Variants in TBC1D5 observed in about 807,000 individuals in gnomAD.
TBC1D5 encodes TBC1 domain family, member 5.
TBC1D5 carries 75 observed loss-of-function variants against 100.3 expected under a neutral mutation model. The ratio of observed to expected loss-of-function variants is 0.75; its 90% CI spans 0.62 to 0.91. The LOEUF (loss-of-function observed/expected upper bound fraction) is 0.91. TBC1D5 is among the 40% of genes least tolerant of loss of function. The pLI, the probability that TBC1D5 is intolerant of heterozygous loss-of-function variation, is 0.00. For missense variants in TBC1D5, 910 were observed against 942.4 expected (o/e 0.97, Z 0.45); for synonymous variants, 323 against 325.6 (o/e 0.99, Z 0.09).
intron 1 of TBC1D5, among the ~76,000 whole-genome samples, chr3:17,681,625 GAAAGA>G (rs1379988251): frequency 6.6e-6 from 1 of 151,648 alleles, no homozygotes; most frequent in East Asian, 1.9e-4. Context: ...CGCTTTTAAA[GAAAGA>G]AAAGACCACT....
intron 1 of TBC1D5, among the ~76,000 whole-genome samples, chr3:17,662,641 A>G (rs544162560): frequency 6.6e-6 from 1 of 152,326 alleles, no homozygotes; most frequent in Non-Finnish European, 1.5e-5. Context: ...CTTTAGATAG[A>G]ACCCAAGCCC....
At chr3:17,581,249 T>C (rs1452485629) in intron 2 of TBC1D5, among the ~76,000 whole-genome samples, 1 of 152,208 alleles carries the variant, frequency 6.6e-6, no homozygotes, top group African/African-American at 2.4e-5. Flanking sequence ...TGTGAGTCCA[T>C]TAAACCACTT....
chr3:17,521,660 G>C (rs2096064870), intron 2 of TBC1D5, among the ~76,000 whole-genome samples: 1 of 152,004 alleles, frequency 6.6e-6, no homozygotes, highest in Non-Finnish European at 1.5e-5. Flanking sequence ...CATAATTTGG[G>C]GGGGGAAATC....
chr3:17,687,023 A>G (rs2070384839), intron 1 of TBC1D5, among the ~76,000 whole-genome samples: 2 of 152,128 alleles, frequency 1.3e-5, no homozygotes, highest in South Asian at 2.1e-4. Context: ...TATGTATAAT[A>G]TGTATAGTGA....
chr3:17,532,443 C>T (rs1435773688), intron 2 of TBC1D5, among the ~76,000 whole-genome samples: 12 of 152,144 alleles, frequency 7.9e-5, no homozygotes, highest in Admixed American at 7.9e-4. Context: ...CCTCAGGGAT[C>T]TAGAACTAGA....
intron 1 of TBC1D5, among the ~76,000 whole-genome samples, chr3:17,635,781 A>T (rs570010821): frequency 6.6e-6 from 1 of 152,388 alleles, no homozygotes; most frequent in Non-Finnish European, 1.5e-5. Context: ...TGATGAGTTT[A>T]AGATGGAATG....
chr3:17,667,431 T>A (rs535836577), intron 1 of TBC1D5, among the ~76,000 whole-genome samples: 1 of 152,148 alleles, frequency 6.6e-6, no homozygotes, highest in South Asian at 2.1e-4. Context: ...TAAGGTAGGA[T>A]TGAAGAATCC....
chr3:17,417,210 CTTTAAG>C (rs930184911), intron 4 of TBC1D5, among the ~76,000 whole-genome samples: 2 of 151,764 alleles, frequency 1.3e-5, no homozygotes, highest in African/African-American at 4.8e-5. Flanking sequence ...TATTATTATA[CTTTAAG>C]TTTTAGGGTT....
chr3:17,196,911 C>T lies in TBC1D5; in HGVS notation c.1753-11703G>A, dbSNP rs146489448. On this transcript the variant is annotated intron_variant, in intron 18 of 21. Coordinates refer to ENST00000253692, the Ensembl canonical transcript of TBC1D5. ...TATTAGGGAATAATTGAGCATAACC[C>T]GAAGTTCACATTTGCTTACACACAA... Among the ~76,000 whole-genome samples, 1,396 of 152,214 alleles carry T rather than the reference C, an allele frequency of 9.2e-3. 22 individuals carry two copies. Among genetic ancestry groups the T allele is most frequent in the African/African-American group, 0.031 (1,305 of 41,518 alleles).
intron 3 of TBC1D5, among the ~76,000 whole-genome samples, chr3:17,506,216 T>C (rs1489992314): frequency 6.6e-6 from 1 of 152,126 alleles, no homozygotes; most frequent in Non-Finnish European, 1.5e-5. Flanking sequence ...TCAAATAATA[T>C]GACAACCTCA....
At chr3:17,374,791 A>G in intron 10 of TBC1D5, 112 bp from the exon 11 acceptor site, 2 of 1,057,832 alleles carry the variant, frequency 1.9e-6, no homozygotes, top group Non-Finnish European at 1.4e-6. Flanking sequence ...AACGAAAAAA[A>G]TTAGTCTTTT....
chr3:17,186,098 G>A (rs113187582), intron 18 of TBC1D5, among the ~76,000 whole-genome samples: 9,082 of 149,760 alleles, frequency 0.061, 294 homozygotes, highest in South Asian at 0.082. Flanking sequence ...AACAAAGCTA[G>A]CTAGGATACC....
At chr3:17,240,895 T>C (rs548724031) in intron 16 of TBC1D5, among the ~76,000 whole-genome samples, 2 of 152,206 alleles carry the variant, frequency 1.3e-5, no homozygotes. Flanking sequence ...ATACGGTTAA[T>C]GCATCTTCAT....
At chr3:17,559,008 T>A (rs2096539568) in intron 2 of TBC1D5, among the ~76,000 whole-genome samples, 1 of 152,100 alleles carries the variant, frequency 6.6e-6, no homozygotes, top group Non-Finnish European at 1.5e-5. Context: ...AAATAGAAAC[T>A]AGATCTTTCA....
intron 2 of TBC1D5, among the ~76,000 whole-genome samples, chr3:17,552,965 C>T (rs2096486375): frequency 6.6e-6 from 1 of 152,074 alleles, no homozygotes; most frequent in East Asian, 1.9e-4. Context: ...TTTTTGTTTA[C>T]TATTAATGTT....
At chr3:17,348,644 G>A (rs935886553) in intron 13 of TBC1D5, among the ~76,000 whole-genome samples, 2 of 151,952 alleles carry the variant, frequency 1.3e-5, no homozygotes, top group East Asian at 3.9e-4. Flanking sequence ...CAATCTACTG[G>A]CCACAGTAGT....
chr3:17,366,146 C>T (rs1345055441), intron 13 of TBC1D5, among the ~76,000 whole-genome samples: 1 of 151,868 alleles, frequency 6.6e-6, no homozygotes, highest in East Asian at 1.9e-4. Flanking sequence ...AAAAAATTAG[C>T]TGGGCATGGT....
At chr3:17,606,251 G>A (rs1375114365) in intron 2 of TBC1D5, among the ~76,000 whole-genome samples, 1 of 152,054 alleles carries the variant, frequency 6.6e-6, no homozygotes, top group Non-Finnish European at 1.5e-5. Context: ...AGGCTAGCCT[G>A]GGCAACATAG....
chr3:17,276,276 G>C (rs2080000890), intron 15 of TBC1D5, among the ~76,000 whole-genome samples: 1 of 152,114 alleles, frequency 6.6e-6, no homozygotes, highest in South Asian at 2.1e-4. Context: ...TATGAGGGGA[G>C]AGCCCTCACG....
Sources: allele counts gnomAD v4.1 joint callset (sites outside exome capture counted in the v4.1 genomes callset), GRCh38; gene constraint gnomAD v4.1.1; transcripts MANE v1.5; gene names NCBI Gene and HGNC (gene_info 2026-07-23, HGNC 2026-07-21).